The following PCDHA7 variants were observed in gnomAD, a reference collection of about 807,000 sequenced individuals.
PCDHA7 encodes protocadherin alpha-7.
A neutral mutation model predicts 57.2 loss-of-function variants in PCDHA7; 37 were observed. The observed-to-expected ratio is 0.65, with a 90% CI of 0.50 to 0.85. The LOEUF (loss-of-function observed/expected upper bound fraction) is 0.85. Among genes scored for constraint, PCDHA7 ranks in the 40% least tolerant of loss-of-function variants. The probability of loss-of-function intolerance (pLI) is 0.00; values close to 1 mark genes in which losing one functional copy is unlikely to be tolerated. For missense variants in PCDHA7, 1,188 were observed against 1,241.8 expected (o/e 0.96, Z 0.65); for synonymous variants, 553 against 558.8 (o/e 0.99, Z 0.15).
intron 1 of PCDHA7, among the ~76,000 whole-genome samples, chr5:140,913,410 C>A (rs375204256): frequency 6.6e-6 from 1 of 152,040 alleles, no homozygotes; most frequent in Non-Finnish European, 1.5e-5. Flanking sequence ...CCTTTGAATT[C>A]CTGCAGTATC....
chr5:140,887,537 C>T (rs530539711), intron 1 of PCDHA7, among the ~76,000 whole-genome samples: 5 of 152,250 alleles, frequency 3.3e-5, no homozygotes, highest in Admixed American at 1.3e-4. Context: ...TTCCTCTCCC[C>T]ACCCCTCATG....
At chr5:140,878,451 T>A (rs2057595888) in intron 1 of PCDHA7, among the ~76,000 whole-genome samples, 1 of 152,250 alleles carries the variant, frequency 6.6e-6, no homozygotes, top group Non-Finnish European at 1.5e-5. Context: ...CTTATTTACA[T>A]GAAATATAAT....
At chr5:140,900,512 G>T (rs1191935182) in intron 1 of PCDHA7, among the ~76,000 whole-genome samples, 4 of 152,300 alleles carry the variant, frequency 2.6e-5, no homozygotes, top group Middle Eastern at 3.4e-3. Context: ...CCCAGCCTCA[G>T]GTGATCTGCC....
At chr5:140,840,421 C>G (rs2150306670) in intron 1 of PCDHA7, among the ~76,000 whole-genome samples, 4 of 151,870 alleles carry the variant, frequency 2.6e-5, no homozygotes, top group Non-Finnish European at 5.9e-5. Flanking sequence ...AAATAATAGG[C>G]TAGTTTAAAG....
chr5:140,937,869 G>C (rs1268422806), intron 1 of PCDHA7, among the ~76,000 whole-genome samples: 1 of 150,376 alleles, frequency 6.6e-6, no homozygotes, highest in South Asian at 2.1e-4. Context: ...CCGAGATCGC[G>C]CCACTGCACT....
In PCDHA7 at chr5:140,883,718, G is replaced by A. The variant is rs376943163; in HGVS notation, c.2355+46980G>A. 7 of 1,613,642 alleles carry A rather than the reference G, an allele frequency of 4.3e-6. No homozygotes were observed. The South Asian group carries it at 6.6e-5, about 15-fold the overall frequency. ...CACGGTGTCTGCTCAGGACGCGGAC[G>A]CACAGGAGAACGCGCTGGTCTCCTA... On this transcript the variant is annotated intron_variant, in intron 1 of 3. Transcript: ENST00000525929.
At chr5:140,929,457 G>A (rs975305297) in intron 1 of PCDHA7, 25 of 1,362,276 alleles carry the variant, frequency 1.8e-5, no homozygotes, top group Non-Finnish European at 2.4e-5. Flanking sequence ...AGCACTTCCT[G>A]TGCCAAGAAA....
rs782769711 is a variant in PCDHA7 at position 140,857,323 on chromosome 5, C to G, written c.2355+20585C>G. 1.0e-5 allele frequency: 16 copies of G among 1,598,498 alleles called. 1 individual carries two copies. Among genetic ancestry groups the G allele is most frequent in the Admixed American group, 1.7e-5 (1 of 59,312 alleles). ...TGTCGGCCTATGAGCTGGTGGTGAC[C>G]GCGCGGGACGGGGGCTCGCCTCCGC... On this transcript the variant is annotated intron_variant, in intron 1 of 3. Coordinates refer to ENST00000525929, the MANE Select transcript of PCDHA7 (RefSeq NM_018910.3).
intron 3 of PCDHA7, among the ~76,000 whole-genome samples, chr5:140,988,517 T>C (rs184897922): frequency 3.0e-3 from 461 of 152,278 alleles, no homozygotes; most frequent in Middle Eastern, 0.014. Context: ...CTTACTTAAG[T>C]CTCTGCTGGC....
chr5:141,002,157 GGGC>G (rs797024683), intron 3 of PCDHA7, among the ~76,000 whole-genome samples: 4 of 152,372 alleles, frequency 2.6e-5, no homozygotes, highest in African/African-American at 9.6e-5. Flanking sequence ...TTAGCAGAGT[GGGC>G]GGTAGGCAGG....
chr5:140,997,672 GTGT>G (rs1226412114), intron 3 of PCDHA7, among the ~76,000 whole-genome samples: 3 of 148,192 alleles, frequency 2.0e-5, no homozygotes, highest in African/African-American at 7.5e-5. Context: ...TACAGCTTGT[GTGT>G]GTGTGTGTGT....
Position 141,009,979 on chromosome 5 carries a change from T to C in PCDHA7, c.*42T>C. 2.5e-6 allele frequency: 4 copies of C among 1,583,392 alleles called. No individual in the cohort carries two copies. Among genetic ancestry groups the C allele is most frequent in the Non-Finnish European group, 3.4e-6 (4 of 1,168,152 alleles). On this transcript the variant is annotated 3_prime_UTR_variant, in exon 4 of 4. Coordinates refer to ENST00000525929, the MANE Select transcript of PCDHA7 (RefSeq NM_018910.3). The stretch of plus-strand genomic sequence containing the variant: ...CAAGCCACTTAGCCAGTTTTTGTAA[T>C]AATGGCAAATCTCTCCCATGTAGCA...
intron 1 of PCDHA7, chr5:140,842,941 G>C (rs1388720747): frequency 3.1e-6 from 5 of 1,594,532 alleles, no homozygotes; most frequent in Admixed American, 1.7e-5. Context: ...CGCGCGACGC[G>C]GGCGTGCCGC....
At chr5:140,950,579 A>G (rs2094498747) in intron 1 of PCDHA7, among the ~76,000 whole-genome samples, 1 of 151,956 alleles carries the variant, frequency 6.6e-6, no homozygotes, top group African/African-American at 2.4e-5. Flanking sequence ...TTTTCTACTT[A>G]CCTTTGGTTT....
intron 1 of PCDHA7, among the ~76,000 whole-genome samples, chr5:140,919,556 A>G (rs980403400): frequency 5.9e-5 from 9 of 152,186 alleles, no homozygotes; most frequent in African/African-American, 2.2e-4. Context: ...ACTGATTTAT[A>G]TTAAGTGAAT....
chr5:140,842,395 T>C, intron 1 of PCDHA7: 1 of 1,611,538 alleles, frequency 6.2e-7, no homozygotes, highest in Non-Finnish European at 8.5e-7. Flanking sequence ...TATCCTTGCC[T>C]GTACGTGAAG....
chr5:140,884,174 C>T (rs540874524), intron 1 of PCDHA7: 6 of 1,613,436 alleles, frequency 3.7e-6, no homozygotes, highest in Middle Eastern at 1.7e-4. Flanking sequence ...CACGACGCGC[C>T]CTCTGGACGA....
intron 1 of PCDHA7, chr5:140,848,451 T>A (rs1450153960): frequency 1.3e-6 from 2 of 1,519,288 alleles, no homozygotes; most frequent in Non-Finnish European, 1.8e-6. Context: ...TTTCTTCTAA[T>A]TTGGAGGCAA....
chr5:140,957,591 C>T (rs1554223040), intron 1 of PCDHA7, among the ~76,000 whole-genome samples: 1 of 151,946 alleles, frequency 6.6e-6, no homozygotes, highest in African/African-American at 2.4e-5. Flanking sequence ...CAAAGCACTT[C>T]CCAGAATAAA....
Sources: allele counts gnomAD v4.1 joint callset (sites outside exome capture counted in the v4.1 genomes callset), GRCh38; gene constraint gnomAD v4.1.1; transcripts MANE v1.5; gene names NCBI Gene and HGNC (gene_info 2026-07-23, HGNC 2026-07-21).